TRPA1: variants seen among roughly 807,000 people sequenced by gnomAD.
TRPA1 encodes the protein ankyrin-like with transmembrane domains 1.
TRPA1 carries 129 observed loss-of-function variants against 131.3 expected under a neutral mutation model. The ratio of observed to expected loss-of-function variants is 0.98; its 90% CI spans 0.85 to 1.14. TRPA1 has a LOEUF of 1.14. Among genes scored for constraint, TRPA1 ranks in the 50% most tolerant of loss-of-function variants. TRPA1 has a pLI of 0.00. For synonymous variants in TRPA1, 441 were observed against 451.7 expected, an observed-to-expected ratio of 0.98 and a Z score of 0.30; for missense variants, 1,304 against 1,354.2, an observed-to-expected ratio of 0.96 and a Z score of 0.58.
chr8:72,085,037 A>G, the TRPA1 span, among the ~76,000 whole-genome samples: 8 of 152,180 alleles, frequency 5.3e-5, no homozygotes, highest in African/African-American at 1.7e-4. Flanking sequence ...ACTAACTCTA[A>G]CATTTGAATT....
At chr8:72,031,091 T>C (rs1452769804) in intron 23 of TRPA1, among the ~76,000 whole-genome samples, 1 of 152,090 alleles carries the variant, frequency 6.6e-6, no homozygotes, top group African/African-American at 2.4e-5. Flanking sequence ...TAGAGCAGGG[T>C]ACATAATAGG....
intron 1 of TRPA1, among the ~76,000 whole-genome samples, chr8:72,072,939 C>T (rs549981186): frequency 1.2e-4 from 18 of 152,276 alleles, no homozygotes; most frequent in Admixed American, 7.8e-4. Context: ...ACTAGATCAT[C>T]TCAATCAGTA....
intron 8 of TRPA1, 93 bp from the exon 9 acceptor site, chr8:72,057,909 G>A: frequency 1.1e-6 from 1 of 945,452 alleles, no homozygotes. Context: ...CATTGATACA[G>A]AGTGTCTATA....
At chr8:72,080,062 T>C (rs1806259925), upstream of TRPA1, among the ~76,000 whole-genome samples, 1 of 151,952 alleles carries the variant, frequency 6.6e-6, no homozygotes, top group South Asian at 2.1e-4. Context: ...AGAGACTTTT[T>C]AGAATCTTAA....
intron 2 of TRPA1, among the ~76,000 whole-genome samples, chr8:72,069,716 C>T (rs905793929): frequency 2.0e-5 from 3 of 150,706 alleles, no homozygotes; most frequent in Non-Finnish European, 1.5e-5. Flanking sequence ...TGAACCTCAG[C>T]TTTCTTGTAT....
At chr8:72,060,795 A>T (rs1287090806) in intron 7 of TRPA1, among the ~76,000 whole-genome samples, 1 of 149,930 alleles carries the variant, frequency 6.7e-6, no homozygotes, top group East Asian at 1.9e-4. Flanking sequence ...CACATATCCT[A>T]TTGTGCCTGG....
chr8:72,063,183 C>T (rs1299652447), intron 5 of TRPA1, among the ~76,000 whole-genome samples: 3 of 151,936 alleles, frequency 2.0e-5, no homozygotes, highest in Non-Finnish European at 4.4e-5. Context: ...AGATCGAGAC[C>T]AGCCTGGCCA....
intron 2 of TRPA1, among the ~76,000 whole-genome samples, chr8:72,069,481 G>GT (rs1806008060): frequency 6.6e-6 from 1 of 152,166 alleles, no homozygotes; most frequent in Admixed American, 6.5e-5. Flanking sequence ...ATCTATATGA[G>GT]TTTTGGGATT....
chr8:72,036,269 T>G lies in TRPA1; in HGVS notation c.2555+19A>C. ...TAAAAATGCTTAAAGGATGTGGAAA[T>G]AATTCAAGCTTGTTTTACCTTTGAA... On this transcript the variant is annotated intron_variant, in intron 21 of 26. Transcript: ENST00000262209. The G allele has an allele frequency of 6.2e-7, 1 of 1,612,796 alleles. No individual in the cohort carries two copies. Among genetic ancestry groups the G allele is most frequent in the Non-Finnish European group, 8.5e-7 (1 of 1,178,994 alleles).
At chr8:72,066,791 G>C (rs548078466) in intron 3 of TRPA1, among the ~76,000 whole-genome samples, 1 of 152,146 alleles carries the variant, frequency 6.6e-6, no homozygotes, top group Admixed American at 6.5e-5. Context: ...GATCATAAAG[G>C]TATAGCTGTG....
chr8:72,073,639 T>G (rs1806112963), intron 1 of TRPA1, among the ~76,000 whole-genome samples: 1 of 152,230 alleles, frequency 6.6e-6, no homozygotes, highest in South Asian at 2.1e-4. Flanking sequence ...AAACATAAGT[T>G]GCTCTACGTA....
chr8:72,078,509 T>C (rs986607840), upstream of TRPA1, among the ~76,000 whole-genome samples: 29 of 152,140 alleles, frequency 1.9e-4, no homozygotes, highest in African/African-American at 6.0e-4. Flanking sequence ...TCATACACTA[T>C]GTAATATTTA....
At chr8:72,023,726 A>T in intron 26 of TRPA1, 88 bp downstream of exon 26, 1 of 831,312 alleles carries the variant, frequency 1.2e-6, no homozygotes, top group Non-Finnish European at 2.0e-6. Context: ...TAAAACAAAA[A>T]CATCAATATA....
At chr8:72,063,938 T>C (rs1240971258) in intron 4 of TRPA1, among the ~76,000 whole-genome samples, 1 of 152,172 alleles carries the variant, frequency 6.6e-6, no homozygotes, top group African/African-American at 2.4e-5. Flanking sequence ...TAGATTCTTT[T>C]CCCTTTATTT....
chr8:72,047,287 A>G, intron 15 of TRPA1, 80 bp from the exon 16 acceptor site: 1 of 1,043,114 alleles, frequency 9.6e-7, no homozygotes, highest in Non-Finnish European at 1.5e-6. Flanking sequence ...TTCTGAAATA[A>G]TACACAAGAC....
At chr8:72,068,918 G>A (rs568312052) in intron 3 of TRPA1, 105 bp downstream of exon 3, 22 of 1,155,196 alleles carry the variant, frequency 1.9e-5, no homozygotes, top group African/African-American at 1.5e-4. Flanking sequence ...TGTTTGCCAT[G>A]GAAGCTTAGA....
chr8:72,071,579 C>A (rs1000004224), intron 2 of TRPA1, 132 bp downstream of exon 2: 2 of 1,044,154 alleles, frequency 1.9e-6, no homozygotes, highest in Non-Finnish European at 1.4e-6. Context: ...GGAAAACCCA[C>A]AATTCTAAGT....
Position 72,071,587 on chromosome 8 carries a change from A to G in TRPA1, c.268+124T>C. On this transcript the variant is annotated intron_variant, in intron 2 of 26. Transcript: ENST00000262209. ...GTGTGTAGGAAAACCCACAATTCTA[A>G]GTGAAATATATAGGCTCTTTATAAT... The G allele has an allele frequency of 3.6e-6, 4 of 1,103,406 alleles. No homozygotes were observed. In the Admixed American group the frequency reaches 8.5e-5, roughly 23 times the overall value. 68.4% of individuals were successfully genotyped at this position (1,103,406 alleles called of 1,614,324 possible). A position where few individuals can be genotyped will look rare whatever the true frequency, so the allele number is the denominator to read the frequency against.
chr8:72,034,282 A>C lies in TRPA1; in HGVS notation c.2651T>G (p.Phe884Cys). 5 of 1,609,198 alleles carry C rather than the reference A, an allele frequency of 3.1e-6. No individual in the cohort carries two copies. The highest frequency in any genetic ancestry group is 3.4e-6 in the Non-Finnish European group (4 of 1,178,114). ...CAGGAGGATGTAAAAGCTGAGTCCA[A>C]AAGCCAGAAGAAGGAAGATAAATAC... The part of the protein sequence containing the change: ...TVVFIFLLLA[F>C]GLSFYILLNL... The change falls in exon 22 of 27, where the codon TTT becomes TGT. Residue 884 changes from phenylalanine to cysteine, a missense_variant. By Grantham distance (205) the Phe-to-Cys change is radical. Coordinates refer to ENST00000262209, the MANE Select transcript of TRPA1 (RefSeq NM_007332.3).
Sources: allele counts gnomAD v4.1 joint callset (sites outside exome capture counted in the v4.1 genomes callset), GRCh38; gene constraint gnomAD v4.1.1; transcripts MANE v1.5; gene names NCBI Gene and HGNC (gene_info 2026-07-23, HGNC 2026-07-21).